The following SVIL variants were observed in gnomAD, a reference collection of about 807,000 sequenced individuals.
SVIL encodes the protein supervillin, also known as archvillin.
A neutral mutation model predicts 240.4 loss-of-function variants in SVIL; 101 were observed. The observed-to-expected ratio is 0.42, with a 90% CI of 0.36 to 0.50. The LOEUF is 0.50. SVIL is among the 20% of genes least tolerant of loss of function. SVIL has a pLI of 0.01. For missense variants in SVIL, 2,512 were observed against 2,818.7 expected, an observed-to-expected ratio of 0.89 and a Z score of 2.46; for synonymous variants, 999 against 1,100.0, an observed-to-expected ratio of 0.91 and a Z score of 1.82.
At chr10:29,498,535 G>T (rs1287246282) in intron 18 of SVIL, among the ~76,000 whole-genome samples, 1 of 152,182 alleles carries the variant, frequency 6.6e-6, no homozygotes, top group African/African-American at 2.4e-5. Context: ...GTGACAAATG[G>T]AATTATGCAT....
intron 3 of SVIL, among the ~76,000 whole-genome samples, chr10:29,557,982 T>C (rs1267970462): frequency 6.6e-6 from 1 of 152,234 alleles, no homozygotes; most frequent in Non-Finnish European, 1.5e-5. Flanking sequence ...CTTATAGTGA[T>C]GCTAAATCAC....
At chr10:29,502,247 C>CTT (rs1349823327) in intron 17 of SVIL, among the ~76,000 whole-genome samples, 2 of 152,190 alleles carry the variant, frequency 1.3e-5, no homozygotes, top group Non-Finnish European at 2.9e-5. Flanking sequence ...TGCAATTCAA[C>CTT]TTTACGTGGC....
At position 29,490,886 on chromosome 10, in the gene SVIL, C is replaced by T. The variant is rs755043048; in HGVS notation, c.4153G>A (p.Val1385Ile). 4 of 1,613,982 alleles carry T rather than the reference C, an allele frequency of 2.5e-6. No individual in the cohort carries two copies. The highest frequency in any genetic ancestry group is 1.1e-5 in the South Asian group (1 of 91,072). The change falls in exon 22 of 38, where the codon GTT (valine) becomes ATT (isoleucine). Residue 1385 changes from valine to isoleucine, a missense_variant. Physicochemically the swap from Val to Ile is conservative, Grantham distance 29. This residue lies in a region of SVIL where 272 missense variants were observed against 406.8 expected (regional missense o/e 0.67). Transcript: ENST00000355867. ...ATCCGCTTTGACTCCATGAAGGCAACGTTTAATCTCTGCTCAGTGTATTCC... is the reference window on the plus strand; with the variant it reads ...ATCCGCTTTGACTCCATGAAGGCAATGTTTAATCTCTGCTCAGTGTATTCC... ...LQEYTEQRLNVAFMESKRMKV... is the reference protein window; with the variant it reads ...LQEYTEQRLNIAFMESKRMKV...
intron 1 of SVIL, chr10:29,575,288 A>G (rs1434867773): frequency 5.1e-6 from 1 of 197,962 alleles, no homozygotes; most frequent in African/African-American, 2.3e-5. Context: ...GTGCATATGC[A>G]TATGAGTGCC....
At chr10:29,615,718 T>G (rs184269210) in intron 1 of SVIL, among the ~76,000 whole-genome samples, 11 of 152,346 alleles carry the variant, frequency 7.2e-5, no homozygotes, top group African/African-American at 2.6e-4. Flanking sequence ...TCACAAATAT[T>G]TATTGCTATA....
intron 7 of SVIL, 140 bp downstream of exon 7, chr10:29,535,849 T>A: frequency 1.3e-6 from 1 of 788,416 alleles, no homozygotes; most frequent in Non-Finnish European, 2.1e-6. Context: ...AGCAAATGAT[T>A]AGAAAGTAAC....
chr10:29,719,396 A>G (rs1221379892), intron 1 of SVIL, among the ~76,000 whole-genome samples: 1 of 152,182 alleles, frequency 6.6e-6, no homozygotes, highest in Non-Finnish European at 1.5e-5. Flanking sequence ...ACTGTCTCCA[A>G]GTAATTTATC....
intron 3 of SVIL, among the ~76,000 whole-genome samples, chr10:29,559,980 T>C (rs1360448366): frequency 6.6e-6 from 1 of 152,134 alleles, no homozygotes; most frequent in Non-Finnish European, 1.5e-5. Context: ...AAACAGAAGG[T>C]TTCTGGTTAA....
At chr10:29,557,573 T>C (rs2026669) in intron 3 of SVIL, among the ~76,000 whole-genome samples, 1 of 151,992 alleles carries the variant, frequency 6.6e-6, no homozygotes, top group Non-Finnish European at 1.5e-5. Context: ...AATTTTAAAA[T>C]TTTTCTATAG....
intron 33 of SVIL, among the ~76,000 whole-genome samples, chr10:29,466,768 T>A (rs924563755): frequency 6.6e-6 from 1 of 152,228 alleles, no homozygotes. Flanking sequence ...TATTATTTTT[T>A]AAAATAGATA....
At chr10:29,544,778 AAG>A (rs1238973938) in intron 6 of SVIL, among the ~76,000 whole-genome samples, 1 of 150,770 alleles carries the variant, frequency 6.6e-6, no homozygotes, top group East Asian at 1.9e-4. Flanking sequence ...AAAAAAAAAA[AAG>A]AATAAGAATT....
chr10:29,582,299 T>C (rs574839102), intron 1 of SVIL, among the ~76,000 whole-genome samples: 65 of 152,314 alleles, frequency 4.3e-4, no homozygotes, highest in African/African-American at 1.4e-3. Context: ...AGGCACATGC[T>C]GAGCACCTGG....
chr10:29,471,358 C>A, intron 30 of SVIL, 115 bp from the exon 31 acceptor site: 1 of 777,074 alleles, frequency 1.3e-6, no homozygotes, highest in Non-Finnish European at 2.0e-6. Context: ...AAACAAAAGC[C>A]ATTGCTAACA....
In SVIL at chr10:29,731,006, G is replaced by A. The variant is rs140649012; in HGVS notation, c.-400+4745C>T. ...CGAAATCTTTTTTAAGGACATGTACGTAAAATTTGATAAACCATATAACGC... is the reference window on the plus strand; with the variant it reads ...CGAAATCTTTTTTAAGGACATGTACATAAAATTTGATAAACCATATAACGC... On this transcript the variant is annotated intron_variant, in intron 1 of 35. Transcript: ENST00000375400. Among the ~76,000 whole-genome samples, 48 of 152,248 alleles carry A rather than the reference G, an allele frequency of 3.2e-4. No homozygotes were observed. In the East Asian group the frequency reaches 5.2e-3, roughly 17 times the overall value.
chr10:29,568,028 CA>C (rs750834742), intron 2 of SVIL, among the ~76,000 whole-genome samples: 15 of 116,144 alleles, frequency 1.3e-4, no homozygotes, highest in Middle Eastern at 4.3e-3. Flanking sequence ...AAAAAAAAAA[CA>C]AAAAAAAAAA....
intron 1 of SVIL, among the ~76,000 whole-genome samples, chr10:29,602,938 A>T (rs1426258014): frequency 6.6e-6 from 1 of 152,138 alleles, no homozygotes; most frequent in South Asian, 2.1e-4. Flanking sequence ...GTGAGCCATG[A>T]TCACACCATT....
Position 29,458,416 on chromosome 10 carries a change from A to G in SVIL, c.6558+18T>C, listed in dbSNP as rs770487417. 26 of 1,592,514 alleles carry G rather than the reference A, an allele frequency of 1.6e-5. 1 individual carries two copies. In the South Asian group the frequency reaches 2.9e-4, roughly 18 times the overall value. On this transcript the variant is annotated intron_variant, in intron 37 of 37. Transcript: ENST00000355867. ...GTTGTTTTACTCCCATCCCCACCCC[A>G]CCGGAAGAACCGCTTACCTCGAAGT... is the stretch of plus-strand genomic sequence containing the variant.
intron 1 of SVIL, among the ~76,000 whole-genome samples, chr10:29,582,222 G>A (rs200035040): frequency 3.3e-5 from 5 of 152,150 alleles, no homozygotes; most frequent in Non-Finnish European, 1.5e-5. Context: ...ATGTCATGGT[G>A]TGTATATTTC....
chr10:29,491,334 T>C (rs1947934417), intron 21 of SVIL, among the ~76,000 whole-genome samples: 1 of 123,204 alleles, frequency 8.1e-6, no homozygotes, highest in East Asian at 2.9e-4. Flanking sequence ...AGGGAGCTCT[T>C]CCCTCCCCCC....
Sources: gnomAD v4.1 joint callset for allele counts (sites outside exome capture counted in the v4.1 genomes callset) on GRCh38, gnomAD v4.1.1 for gene constraint, gnomAD v4.1.1 regional missense constraint, MANE v1.5 for transcripts, NCBI Gene and HGNC (gene_info 2026-07-23, HGNC 2026-07-21) for gene names.